Variants in TBCK observed in about 807,000 individuals in gnomAD.
TBCK encodes TBC domain-containing protein kinase-like protein.
In TBCK, 99 loss-of-function variants were observed where a neutral mutation model predicts 113.4. The observed-to-expected ratio is 0.87, with a 90% CI of 0.74 to 1.03. TBCK has a LOEUF of 1.03. TBCK is among the 50% of genes least tolerant of loss of function. The probability of loss-of-function intolerance (pLI) is 0.00; values close to 1 mark genes in which losing one functional copy is unlikely to be tolerated. For synonymous variants in TBCK, 369 were observed against 370.8 expected (o/e 1.00, Z 0.05); for missense variants, 1,045 against 1,061.3 (o/e 0.98, Z 0.21).
chr4:106,237,382 ACC>A (rs1480470637), intron 12 of TBCK: 4 of 369,402 alleles, frequency 1.1e-5, no homozygotes, highest in African/African-American at 4.3e-5. Context: ...CCAAATAACA[ACC>A]CTGACAGGAT....
intron 12 of TBCK, among the ~76,000 whole-genome samples, chr4:106,240,743 T>C (rs1288843595): frequency 6.6e-6 from 1 of 151,964 alleles, no homozygotes; most frequent in Non-Finnish European, 1.5e-5. Context: ...TAAACTCTAA[T>C]GTGTAAGCTG....
intron 5 of TBCK, among the ~76,000 whole-genome samples, chr4:106,259,815 T>C (rs1348735999): frequency 6.6e-6 from 1 of 151,864 alleles, no homozygotes; most frequent in Non-Finnish European, 1.5e-5. Flanking sequence ...ACCACACAAA[T>C]ATAACACAGA....
intron 9 of TBCK, 177 bp from the exon 10 acceptor site, chr4:106,247,464 G>A: frequency 1.9e-6 from 1 of 533,750 alleles, no homozygotes; most frequent in Non-Finnish European, 3.2e-6. Flanking sequence ...AAATAACTGT[G>A]AGTAAATACT....
At chr4:106,065,409 A>G (rs542575081) in intron 25 of TBCK, among the ~76,000 whole-genome samples, 32 of 152,144 alleles carry the variant, frequency 2.1e-4, no homozygotes, top group Non-Finnish European at 4.3e-4. Flanking sequence ...TTTTTAAAAA[A>G]CGATTATTTT....
At chr4:106,112,136 A>G (rs1191473515) in intron 24 of TBCK, among the ~76,000 whole-genome samples, 2 of 150,504 alleles carry the variant, frequency 1.3e-5, no homozygotes, top group African/African-American at 4.9e-5. Flanking sequence ...TACCGGGACT[A>G]AAACACTCTT....
chr4:106,062,983 G>A (rs1446924721), intron 25 of TBCK, among the ~76,000 whole-genome samples: 3 of 151,886 alleles, frequency 2.0e-5, no homozygotes, highest in African/African-American at 7.2e-5. Context: ...CTTATGAAAA[G>A]CTATAAGAAT....
At chr4:106,257,426 TCTACAG>T (rs1484784744) in intron 5 of TBCK, among the ~76,000 whole-genome samples, 2 of 152,180 alleles carry the variant, frequency 1.3e-5, no homozygotes, top group African/African-American at 4.8e-5. Context: ...TCCTACCTTT[TCTACAG>T]CTACCTCCTC....
At chr4:106,127,293 T>C (rs1254409178) in intron 23 of TBCK, among the ~76,000 whole-genome samples, 2 of 127,490 alleles carry the variant, frequency 1.6e-5, no homozygotes, top group Non-Finnish European at 3.5e-5. Context: ...TTTAGGAAAA[T>C]AGGCAAAATA....
chr4:106,211,929 T>C (rs1245524282), intron 20 of TBCK, among the ~76,000 whole-genome samples: 1 of 152,122 alleles, frequency 6.6e-6, no homozygotes, highest in Non-Finnish European at 1.5e-5. Flanking sequence ...TTTGGTTTTT[T>C]ATCAATAATT....
chr4:106,291,551 C>A (rs1050527255), intron 3 of TBCK, among the ~76,000 whole-genome samples: 2 of 152,174 alleles, frequency 1.3e-5, no homozygotes, highest in African/African-American at 2.4e-5. Context: ...GGAGACCAAG[C>A]AGACTGATTA....
At chr4:106,258,937 CAA>C (rs1247100882) in intron 5 of TBCK, among the ~76,000 whole-genome samples, 1 of 151,736 alleles carries the variant, frequency 6.6e-6, no homozygotes, top group Non-Finnish European at 1.5e-5. Context: ...GCTTATGAAA[CAA>C]GAATTGGTTT....
chr4:106,116,468 T>A lies in TBCK; in HGVS notation c.2236-90A>T, dbSNP rs558919977. The stretch of plus-strand genomic sequence containing the variant: ...AATAGAATATCTTGATACCAAACAA[T>A]ACAGCATATAAGAGAAGAGGAAACT... On this transcript the variant is annotated intron_variant, in intron 23 of 25. Coordinates refer to ENST00000394708, the MANE Select transcript of TBCK (RefSeq NM_001163435.3). 27 of 1,051,780 alleles carry A rather than the reference T, an allele frequency of 2.6e-5. 1 individual carries two copies. The South Asian group carries it at 4.3e-4, about 17-fold the overall frequency. 65.2% of individuals were successfully genotyped at this position (1,051,780 alleles called of 1,614,324 possible). A position where few individuals can be genotyped will look rare whatever the true frequency, so the allele number is the denominator to read the frequency against.
chr4:106,228,735 T>C (rs1758508635), intron 19 of TBCK, among the ~76,000 whole-genome samples: 2 of 152,018 alleles, frequency 1.3e-5, no homozygotes, highest in African/African-American at 4.8e-5. Context: ...CTGACACTCA[T>C]TTCCTTTCTT....
Position 106,211,895 on chromosome 4 carries a change from T to C in TBCK, c.1860+855A>G, listed in dbSNP as rs1756178205. 2.0e-5 allele frequency among the ~76,000 whole-genome samples: 3 copies of C among 152,112 alleles called. No individual in the cohort carries two copies. In the South Asian group the frequency reaches 6.2e-4, roughly 31 times the overall value. On this transcript the variant is annotated intron_variant, in intron 20 of 25. Transcript: ENST00000394708. ...TTATTTTATAAATTACATTTCCTAC[T>C]TTAATGATATGTAATGTGAACATTT...
intron 23 of TBCK, among the ~76,000 whole-genome samples, chr4:106,164,792 A>G (rs185579767): frequency 1.3e-4 from 20 of 151,818 alleles, no homozygotes; most frequent in Non-Finnish European, 2.8e-4. Flanking sequence ...AACTTTGTAG[A>G]CTGGCATTTA....
chr4:106,173,841 T>C (rs1345602114), intron 22 of TBCK, among the ~76,000 whole-genome samples: 1 of 152,086 alleles, frequency 6.6e-6, no homozygotes, highest in Non-Finnish European at 1.5e-5. Flanking sequence ...TAATCTCTCA[T>C]TACATGGCAC....
chr4:106,197,896 A>G (rs1026994439), intron 20 of TBCK, among the ~76,000 whole-genome samples: 1 of 152,092 alleles, frequency 6.6e-6, no homozygotes, highest in African/African-American at 2.4e-5. Context: ...TACTGAACTA[A>G]TCTTGTTTTG....
intron 24 of TBCK, among the ~76,000 whole-genome samples, chr4:106,099,302 T>G (rs948108543): frequency 1.3e-5 from 2 of 152,068 alleles, no homozygotes; most frequent in African/African-American, 4.8e-5. Flanking sequence ...GAGCACAGCA[T>G]TTTTGCTGGA....
intron 20 of TBCK, among the ~76,000 whole-genome samples, chr4:106,208,089 T>G (rs1755727864): frequency 6.6e-6 from 1 of 152,302 alleles, no homozygotes; most frequent in Admixed American, 6.5e-5. Flanking sequence ...GATATTCCTA[T>G]CCCACAAAGA....
Sources: allele counts gnomAD v4.1 joint callset (sites outside exome capture counted in the v4.1 genomes callset), GRCh38; gene constraint gnomAD v4.1.1; transcripts MANE v1.5; gene names NCBI Gene and HGNC (gene_info 2026-07-23, HGNC 2026-07-21).